The following RIMS2 variants were observed in gnomAD, a reference collection of about 807,000 sequenced individuals.
The protein encoded by RIMS2 is regulating synaptic membrane exocytosis protein 2.
A neutral mutation model predicts 174.4 loss-of-function variants in RIMS2; 59 were observed. That is an observed-to-expected ratio of 0.34 (90% CI 0.27 to 0.42). The LOEUF is 0.42. RIMS2 is among the 10% of genes least tolerant of loss of function. The pLI, the probability that RIMS2 is intolerant of heterozygous loss-of-function variation, is 1.00. For missense variants in RIMS2, 1,620 were observed against 1,666.3 expected (o/e 0.97, Z 0.48); for synonymous variants, 606 against 572.5 (o/e 1.06, Z -0.84).
At chr8:103,986,225 T>A (rs1054885000) in intron 16 of RIMS2, among the ~76,000 whole-genome samples, 17 of 151,986 alleles carry the variant, frequency 1.1e-4, no homozygotes, top group African/African-American at 3.9e-4. Context: ...GACAAAAAAA[T>A]TTTTAACGAA....
At chr8:103,797,065 G>C (rs549558356) in intron 3 of RIMS2, among the ~76,000 whole-genome samples, 19 of 152,182 alleles carry the variant, frequency 1.2e-4, no homozygotes, top group South Asian at 8.3e-4. Context: ...CTTAAAGGAA[G>C]TGAAGAAGTA....
Position 103,777,338 on chromosome 8 carries a change from A to G in RIMS2, c.698+10801A>G, listed in dbSNP as rs146254751. On this transcript the variant is annotated intron_variant, in intron 3 of 23. Transcript: ENST00000504942. ...CAAATGCTATGAACTCTATCCCAGTATCTTGCCTCTTTTTTTCAGTATATC... is the reference window on the plus strand; with the variant it reads ...CAAATGCTATGAACTCTATCCCAGTGTCTTGCCTCTTTTTTTCAGTATATC... Among the ~76,000 whole-genome samples the G allele has an allele frequency of 9.7e-4, 147 of 152,186 alleles. 2 individuals carry two copies. The highest frequency in any genetic ancestry group is 5.2e-3 in the South Asian group (25 of 4,826).
intron 19 of RIMS2, among the ~76,000 whole-genome samples, chr8:104,187,213 G>A (rs953601301): frequency 2.6e-5 from 4 of 151,730 alleles, no homozygotes; most frequent in African/African-American, 9.7e-5. Context: ...ACTCTTTGTA[G>A]AAATATAAAT....
intron 19 of RIMS2, among the ~76,000 whole-genome samples, chr8:104,213,051 G>T (rs1260194038): frequency 1.3e-5 from 2 of 152,152 alleles, no homozygotes; most frequent in African/African-American, 4.8e-5. Context: ...GCTGGGTGCG[G>T]TGGCTCAACC....
At chr8:103,585,054 G>C (rs1251472723) in intron 1 of RIMS2, among the ~76,000 whole-genome samples, 2 of 152,076 alleles carry the variant, frequency 1.3e-5, no homozygotes. Flanking sequence ...CCATGTCAAT[G>C]GAAACTATAA....
intron 18 of RIMS2, 97 bp downstream of exon 20, chr8:104,013,718 C>T (rs2095827174): frequency 1.1e-6 from 1 of 940,962 alleles, no homozygotes; most frequent in South Asian, 1.5e-5. Context: ...TCATCTTTGG[C>T]TGATCACTAG....
chr8:103,659,551 C>T (rs144969183), intron 1 of RIMS2, among the ~76,000 whole-genome samples: 155 of 152,282 alleles, frequency 1.0e-3, no homozygotes, highest in African/African-American at 3.5e-3. Flanking sequence ...AGTTCTTTTT[C>T]TCCCCTAGAC....
chr8:104,101,413 G>A (rs1407068757), intron 19 of RIMS2, among the ~76,000 whole-genome samples: 1 of 152,094 alleles, frequency 6.6e-6, no homozygotes, highest in Admixed American at 6.5e-5. Flanking sequence ...ACAGGCATGA[G>A]CCACCGTGCC....
At chr8:103,648,132 A>C (rs956079447) in intron 1 of RIMS2, among the ~76,000 whole-genome samples, 1 of 151,846 alleles carries the variant, frequency 6.6e-6, no homozygotes, top group Non-Finnish European at 1.5e-5. Context: ...TGTTCTCATT[A>C]GTTTCAAAGA....
chr8:103,746,784 G>A (rs545582740), intron 2 of RIMS2, among the ~76,000 whole-genome samples: 2 of 152,006 alleles, frequency 1.3e-5, no homozygotes, highest in African/African-American at 2.4e-5. Flanking sequence ...GGGTTCAAGC[G>A]ATTCTCCTGC....
chr8:104,061,946 G>T (rs1044728500), intron 19 of RIMS2, among the ~76,000 whole-genome samples: 2 of 151,830 alleles, frequency 1.3e-5, no homozygotes, highest in Non-Finnish European at 2.9e-5. Flanking sequence ...TGAAATTTCA[G>T]GGTCAAAAAT....
At chr8:104,134,235 C>A (rs1311126831) in intron 19 of RIMS2, among the ~76,000 whole-genome samples, 1 of 152,116 alleles carries the variant, frequency 6.6e-6, no homozygotes, top group East Asian at 1.9e-4. Flanking sequence ...GAGGCCAAGG[C>A]AGGTGGATCA....
At chr8:104,170,603 T>C (rs184555970) in intron 19 of RIMS2, among the ~76,000 whole-genome samples, 9 of 152,244 alleles carry the variant, frequency 5.9e-5, no homozygotes, top group Admixed American at 2.6e-4. Flanking sequence ...GGTGGTTTTT[T>C]ATCCATTCTA....
At chr8:104,232,038 C>G (rs1292283886) in intron 19 of RIMS2, among the ~76,000 whole-genome samples, 1 of 63,578 alleles carries the variant, frequency 1.6e-5, no homozygotes, top group East Asian at 6.9e-4. Flanking sequence ...GCGCATATTG[C>G]CTTGCATTAT....
chr8:104,032,082 G>C (rs184359831), intron 19 of RIMS2, among the ~76,000 whole-genome samples: 22 of 152,050 alleles, frequency 1.4e-4, no homozygotes, highest in Non-Finnish European at 2.5e-4. Flanking sequence ...GACTAAAATT[G>C]AAGTACTTTA....
At chr8:103,624,861 A>T (rs2095740967) in intron 1 of RIMS2, among the ~76,000 whole-genome samples, 1 of 149,592 alleles carries the variant, frequency 6.7e-6, no homozygotes. Context: ...TAACCAATGA[A>T]TATTTACAGA....
intron 3 of RIMS2, among the ~76,000 whole-genome samples, chr8:103,848,871 C>T (rs1287990967): frequency 6.6e-6 from 1 of 152,030 alleles, no homozygotes; most frequent in Non-Finnish European, 1.5e-5. Flanking sequence ...TAGTCTTCAG[C>T]TCTATCTTCT....
At position 103,924,035 on chromosome 8, in the gene RIMS2, C is replaced by G. The variant is rs188498229; in HGVS notation, c.2196+2251C>G. ...AACCTAAATCACTATTATAGGTTAT[C>G]TTGCTTGTTTCTAACTTATATTTTT... On this transcript the variant is annotated intron_variant, in intron 10 of 23. Transcript: ENST00000504942. 2.6e-3 allele frequency among the ~76,000 whole-genome samples: 387 copies of G among 151,648 alleles called. 1 individual carries two copies. The highest frequency in any genetic ancestry group is 4.7e-3 in the Non-Finnish European group (316 of 67,578).
chr8:104,253,909 A>G (rs1329755187), downstream of RIMS2: 2 of 152,208 alleles, frequency 1.3e-5, no homozygotes, highest in Non-Finnish European at 2.9e-5. Flanking sequence ...TATGAAATAC[A>G]CCAAGACTGT....
Sources: allele counts gnomAD v4.1 joint callset (sites outside exome capture counted in the v4.1 genomes callset), GRCh38; gene constraint gnomAD v4.1.1; transcripts MANE v1.5; gene names NCBI Gene and HGNC (gene_info 2026-07-23, HGNC 2026-07-21).